Variants in SNX29 observed in about 807,000 individuals in gnomAD.
SNX29 encodes sorting nexin 29, also known as sorting nexin-29.
Under a neutral mutation model 102.1 loss-of-function variants are expected in SNX29, and 78 were observed. That is an observed-to-expected ratio of 0.76 (90% CI 0.64 to 0.92). The LOEUF is 0.92. Ranked by LOEUF, SNX29 falls within the 40% of genes least tolerant of loss-of-function variation. SNX29 has a pLI of 0.00. For missense variants in SNX29, 1,280 were observed against 1,061.7 expected (o/e 1.21, Z -2.86); for synonymous variants, 580 against 414.5 (o/e 1.40, Z -4.85).
intron 13 of SNX29, among the ~76,000 whole-genome samples, chr16:12,164,351 T>C (rs1308575121): frequency 1.3e-5 from 2 of 152,206 alleles, no homozygotes; most frequent in Non-Finnish European, 2.9e-5. Context: ...CTAGTTATGC[T>C]GGTTTAAGAA....
chr16:12,538,576 G>A (rs1390788210), intron 20 of SNX29, among the ~76,000 whole-genome samples: 1 of 152,138 alleles, frequency 6.6e-6, no homozygotes, highest in Non-Finnish European at 1.5e-5. Context: ...AGCTGAGCTG[G>A]CTTCTGTGTC....
chr16:12,572,259 G>C lies in SNX29; in HGVS notation c.*3630G>C. On this transcript the variant is annotated 3_prime_UTR_variant, in exon 21 of 21. Transcript: ENST00000566228. ...TTACACCAGGTGGATTGATACCATGGCTGTAGCTGATGCAACTAACAAGTA... is the reference window on the plus strand; with the variant it reads ...TTACACCAGGTGGATTGATACCATGCCTGTAGCTGATGCAACTAACAAGTA... 1 of 1,057,304 alleles carries C rather than the reference G, an allele frequency of 9.5e-7. No individual in the cohort carries two copies. 65.5% of individuals were successfully genotyped at this position (1,057,304 alleles called of 1,614,324 possible).
intron 16 of SNX29, among the ~76,000 whole-genome samples, chr16:12,383,772 C>G (rs911875622): frequency 9.4e-6 from 1 of 105,962 alleles, no homozygotes; most frequent in Admixed American, 9.6e-5. Flanking sequence ...CGTCAACTTT[C>G]TTTTTTTTTT....
Position 12,552,513 on chromosome 16 carries a change from C to G in SNX29, c.2319-15993C>G, listed in dbSNP as rs74507562. ...GGAATCTTGCTCAAAAATAGCCTGC[C>G]AAATGGGCCTTCATTTCTCAGTGAT... On this transcript the variant is annotated intron_variant, in intron 20 of 20. Transcript: ENST00000566228. 3.7e-4 allele frequency among the ~76,000 whole-genome samples: 57 copies of G among 152,328 alleles called. 1 individual carries two copies. The East Asian group carries it at 0.01, about 27-fold the overall frequency.
At chr16:12,073,522 C>T (rs996492501) in intron 10 of SNX29, among the ~76,000 whole-genome samples, 3 of 152,130 alleles carry the variant, frequency 2.0e-5, no homozygotes, top group African/African-American at 7.2e-5. Flanking sequence ...TTTGATTGCA[C>T]TGTGGTCTGA....
At chr16:11,999,046 A>G (rs1010181962) in intron 1 of SNX29, among the ~76,000 whole-genome samples, 2 of 152,318 alleles carry the variant, frequency 1.3e-5, no homozygotes, top group South Asian at 2.1e-4. Context: ...ACATCTTACA[A>G]TGTCAGTAGT....
At chr16:12,056,538 T>G (rs937002098) in intron 8 of SNX29, among the ~76,000 whole-genome samples, 1 of 152,150 alleles carries the variant, frequency 6.6e-6, no homozygotes, top group African/African-American at 2.4e-5. Flanking sequence ...ACAGCAGATG[T>G]GTGAGGGGAA....
chr16:12,467,288 C>G (rs926035373), intron 18 of SNX29, among the ~76,000 whole-genome samples: 5 of 152,196 alleles, frequency 3.3e-5, no homozygotes, highest in Admixed American at 2.0e-4. Context: ...TGTTCTCTCT[C>G]CAGTAATCTA....
intron 20 of SNX29, among the ~76,000 whole-genome samples, chr16:12,554,578 C>G (rs888206975): frequency 2.0e-5 from 3 of 152,274 alleles, no homozygotes; most frequent in Admixed American, 6.5e-5. Flanking sequence ...AAGCTGACAC[C>G]AAGACTTGGA....
intron 3 of SNX29, among the ~76,000 whole-genome samples, chr16:12,006,473 G>A (rs59338942): frequency 3.4e-5 from 5 of 147,594 alleles, no homozygotes; most frequent in African/African-American, 1.3e-4. Flanking sequence ...CCGAGATTGC[G>A]CCATTGCGTT....
chr16:12,153,496 A>G (rs1016701125), intron 13 of SNX29, among the ~76,000 whole-genome samples: 2 of 150,578 alleles, frequency 1.3e-5, no homozygotes, highest in African/African-American at 4.9e-5. Flanking sequence ...ACAAAAAACC[A>G]AACCTCTGGC....
At chr16:12,328,302 A>G (rs1696267879) in intron 15 of SNX29, among the ~76,000 whole-genome samples, 1 of 152,194 alleles carries the variant, frequency 6.6e-6, no homozygotes, top group South Asian at 2.1e-4. Context: ...TTGGCCTTTC[A>G]GCTATAGATT....
chr16:12,311,577 G>A (rs1009962152), intron 15 of SNX29, among the ~76,000 whole-genome samples: 1 of 152,236 alleles, frequency 6.6e-6, no homozygotes, highest in Non-Finnish European at 1.5e-5. Flanking sequence ...CCGATGGCCC[G>A]TCCGCCTTTA....
intron 4 of SNX29, among the ~76,000 whole-genome samples, chr16:12,037,657 AGAAAGG>A (rs2057513907): frequency 6.6e-6 from 1 of 152,074 alleles, no homozygotes; most frequent in African/African-American, 2.4e-5. Context: ...TCTTACTAGA[AGAAAGG>A]GAAAGGGACC....
In SNX29 at chr16:12,130,367, C is replaced by T. The variant is rs533510766; in HGVS notation, c.1595+609C>T. The stretch of plus-strand genomic sequence containing the variant: ...ACGGACGCCTGTAGTCCCAGCTACG[C>T]GGGAGGCTGAGGCAGGAGAATGGCG... On this transcript the variant is annotated intron_variant, in intron 13 of 20. Coordinates refer to ENST00000566228, the MANE Select transcript of SNX29 (RefSeq NM_032167.5). Among the ~76,000 whole-genome samples the T allele has an allele frequency of 3.4e-3, 469 of 138,750 alleles. 1 individual carries two copies. The highest frequency in any genetic ancestry group is 0.012 in the African/African-American group (433 of 36,686). 91.0% of individuals were successfully genotyped at this position (138,750 alleles called of 152,430 possible). A position where few individuals can be genotyped will look rare whatever the true frequency, so the allele number is the denominator to read the frequency against.
rs568959688 is a variant in SNX29, at chr16:12,569,608, C to G, written c.*979C>G. The G allele has an allele frequency of 4.4e-6, 1 of 225,130 alleles. No homozygotes were observed. The highest frequency in any genetic ancestry group is 5.9e-5 in the Admixed American group (1 of 17,032). The allele number at this position is 225,130 out of a possible 1,614,324, so 13.9% of individuals were successfully genotyped here. A position where few individuals can be genotyped will look rare whatever the true frequency, so the allele number is the denominator to read the frequency against. On this transcript the variant is annotated 3_prime_UTR_variant, in exon 21 of 21. Transcript: ENST00000566228. Reference sequence around the variant, plus strand: ...CCATCCCGTCTGCCCCCGACATTGTCCTTGATAACAGAACTCTGCATCCCC... The same window carrying G: ...CCATCCCGTCTGCCCCCGACATTGTGCTTGATAACAGAACTCTGCATCCCC...
intron 1 of SNX29, among the ~76,000 whole-genome samples, chr16:11,981,394 A>C (rs1018965754): frequency 6.6e-6 from 1 of 150,784 alleles, no homozygotes; most frequent in African/African-American, 2.4e-5. Flanking sequence ...CTGAGCCACC[A>C]TGCCTGGGCT....
rs922506948 is a variant in SNX29 at position 12,153,479 on chromosome 16, A to C, written c.1595+23721A>C. On this transcript the variant is annotated intron_variant, in intron 13 of 20. Coordinates refer to ENST00000566228, the MANE Select transcript of SNX29 (RefSeq NM_032167.5). ...TTTGTCTCAAAAAAAAAAACAAAAA[A>C]CAAAAAACAAAAAACCAAACCTCTG... 7.3e-5 allele frequency among the ~76,000 whole-genome samples: 11 copies of C among 150,238 alleles called. No homozygotes were observed. The East Asian group carries it at 2.2e-3, about 29-fold the overall frequency.
rs762860282 is a variant in SNX29, at chr16:12,569,670, C to G, written c.*1041C>G. On this transcript the variant is annotated 3_prime_UTR_variant, in exon 21 of 21. Transcript: ENST00000566228. The stretch of plus-strand genomic sequence containing the variant: ...CCTCTGTTCCTCCCATGTCAGGTGG[C>G]TCTCAGAGTACAGGGACCTTGGCAG... 2.2e-5 allele frequency: 5 copies of G among 229,880 alleles called. No homozygotes were observed. Among genetic ancestry groups the G allele is most frequent in the Non-Finnish European group, 3.4e-5 (4 of 116,006 alleles). The allele number at this position is 229,880 out of a possible 1,614,324, so 14.2% of individuals were successfully genotyped here.
Sources: gnomAD v4.1 joint callset for allele counts (sites outside exome capture counted in the v4.1 genomes callset) on GRCh38, gnomAD v4.1.1 for gene constraint, MANE v1.5 for transcripts, NCBI Gene and HGNC (gene_info 2026-07-23, HGNC 2026-07-21) for gene names.